CPLX2: variants seen among roughly 807,000 people sequenced by gnomAD.
The protein encoded by CPLX2 is complexin-2.
Under a neutral mutation model 16.3 loss-of-function variants are expected in CPLX2, and 5 were observed. The observed-to-expected ratio is 0.31, with a 90% confidence interval of 0.16 to 0.64. CPLX2 has a LOEUF of 0.64. CPLX2 is among the 30% of genes least tolerant of loss of function. CPLX2 has a pLI of 0.79. For synonymous variants in CPLX2, 89 were observed against 73.2 expected, an observed-to-expected ratio of 1.22 and a Z score of -1.10; for missense variants, 144 against 181.4, an observed-to-expected ratio of 0.79 and a Z score of 1.18.
chr5:175,865,096 A>ACG (rs1176837208), intron 2 of CPLX2, among the ~76,000 whole-genome samples: 2 of 151,754 alleles, frequency 1.3e-5, no homozygotes, highest in African/African-American at 4.9e-5. Context: ...GCGCGCACAC[A>ACG]CACACACACA....
At chr5:175,852,639 G>A (rs1004590550) in intron 2 of CPLX2, among the ~76,000 whole-genome samples, 1 of 152,212 alleles carries the variant, frequency 6.6e-6, no homozygotes, top group African/African-American at 2.4e-5. Flanking sequence ...GAGACAAAGT[G>A]TCTTCTTCCC....
intron 2 of CPLX2, among the ~76,000 whole-genome samples, chr5:175,846,740 C>T (rs995552187): frequency 2.6e-5 from 4 of 152,162 alleles, no homozygotes; most frequent in Admixed American, 2.0e-4. Flanking sequence ...AACTCAATGC[C>T]ACTCCCCCAT....
chr5:175,806,265 C>T (rs1758198912), intron 1 of CPLX2, among the ~76,000 whole-genome samples: 1 of 151,836 alleles, frequency 6.6e-6, no homozygotes, highest in South Asian at 2.1e-4. Context: ...AACCATGCAT[C>T]CCCCGTGTCT....
rs989702045 is a variant in CPLX2 at position 175,878,489 on chromosome 5, T to C, written c.-88-163T>C. Reference sequence around the variant, plus strand: ...AGCACCTACGTGTCTGCCCAGTAAATCGCTCTCTTCCATCTCCTTTCTCCT... The same window carrying C: ...AGCACCTACGTGTCTGCCCAGTAAACCGCTCTCTTCCATCTCCTTTCTCCT... On this transcript the variant is annotated intron_variant, in intron 1 of 3. Coordinates refer to ENST00000393745, the MANE Select transcript of CPLX2 (RefSeq NM_001008220.2). The C allele has an allele frequency of 4.0e-5, 23 of 581,084 alleles. No individual in the cohort carries two copies. The African/African-American group carries it at 4.1e-4, about 10-fold the overall frequency. The allele number at this position is 581,084 out of a possible 1,614,324, so 36.0% of individuals were successfully genotyped here.
At chr5:175,868,109 C>A (rs1446480943), upstream of CPLX2, among the ~76,000 whole-genome samples, 1 of 152,184 alleles carries the variant, frequency 6.6e-6, no homozygotes, top group East Asian at 1.9e-4. Context: ...CTCCCTGCAC[C>A]CACCAACGTA....
intron 1 of CPLX2, among the ~76,000 whole-genome samples, chr5:175,801,327 C>A (rs1758093630): frequency 6.6e-6 from 1 of 152,122 alleles, no homozygotes; most frequent in African/African-American, 2.4e-5. Flanking sequence ...CAAGCAAGAA[C>A]AACAGTAGCC....
rs1759650851 is a variant in CPLX2, at chr5:175,872,451, T to C, written c.-89+746T>C. On this transcript the variant is annotated intron_variant, in intron 1 of 3. Coordinates refer to ENST00000393745, the MANE Select transcript of CPLX2 (RefSeq NM_001008220.2). The surrounding 1 kb of genome is among the most constrained non-coding windows in gnomAD (Gnocchi z 5.0). ...CCGGGCCGGGTCTTGGGGTTGGAGCTATGTGTGTTGGGGGAAGGGGCGCTC... is the reference window on the plus strand; with the variant it reads ...CCGGGCCGGGTCTTGGGGTTGGAGCCATGTGTGTTGGGGGAAGGGGCGCTC... 6.6e-6 allele frequency among the ~76,000 whole-genome samples: 1 copy of C among 151,968 alleles called. No individual in the cohort carries two copies. The highest frequency in any genetic ancestry group is 1.5e-5 in the Non-Finnish European group (1 of 67,966).
intron 2 of CPLX2, chr5:175,837,559 G>A (rs1758860944): frequency 1.3e-5 from 2 of 152,262 alleles, no homozygotes; most frequent in Admixed American, 1.3e-4. Flanking sequence ...AGCTGGACCA[G>A]AAGGCTGGAA....
In CPLX2 at chr5:175,803,128, C is replaced by T. The variant is rs149361878; in HGVS notation, c.-168-5861C>T. Among the ~76,000 whole-genome samples, 647 of 152,264 alleles carry T rather than the reference C, an allele frequency of 4.2e-3. 1 individual carries two copies. Among genetic ancestry groups the T allele is most frequent in the Non-Finnish European group, 7.3e-3 (495 of 68,026 alleles). ...ACAGGCATGAGCCACCCAGAGTGCTCGGCCCAAATGTGCTTTCAATTGTGA... is the reference window on the plus strand; with the variant it reads ...ACAGGCATGAGCCACCCAGAGTGCTTGGCCCAAATGTGCTTTCAATTGTGA... On this transcript the variant is annotated intron_variant, in intron 1 of 4. Transcript: ENST00000359546.
At chr5:175,810,866 T>A (rs60489996) in intron 2 of CPLX2, among the ~76,000 whole-genome samples, 2,512 of 152,072 alleles carry the variant, frequency 0.017, 64 homozygotes, top group African/African-American at 0.056. Context: ...AATTTGGTCT[T>A]ACATAAAATA....
At chr5:175,818,219 C>T (rs1449001684) in intron 2 of CPLX2, among the ~76,000 whole-genome samples, 1 of 152,030 alleles carries the variant, frequency 6.6e-6, no homozygotes, top group East Asian at 1.9e-4. Context: ...AGGAGGCAAA[C>T]AGAAAGTCGG....
chr5:175,862,129 T>A (rs139669923), intron 2 of CPLX2, among the ~76,000 whole-genome samples: 2 of 152,278 alleles, frequency 1.3e-5, no homozygotes, highest in East Asian at 3.9e-4. Flanking sequence ...AGACAGAAAT[T>A]TGTGTATTTT....
chr5:175,856,257 T>C (rs1759255569), intron 2 of CPLX2, among the ~76,000 whole-genome samples: 2 of 152,364 alleles, frequency 1.3e-5, no homozygotes, highest in Non-Finnish European at 2.9e-5. Flanking sequence ...ATAAAGCTCA[T>C]GTAAACCCAT....
chr5:175,873,115 C>T (rs1759673678), intron 1 of CPLX2: 2 of 140,382 alleles, frequency 1.4e-5, no homozygotes, highest in South Asian at 2.5e-4. Flanking sequence ...TCCCACCCAC[C>T]CCCACCCTCA....
upstream of CPLX2, among the ~76,000 whole-genome samples, chr5:175,866,879 C>T (rs1272516943): frequency 6.6e-6 from 1 of 152,042 alleles, no homozygotes; most frequent in Non-Finnish European, 1.5e-5. Flanking sequence ...TCAAGACTAG[C>T]CTGGGCAACA....
chr5:175,801,285 G>A (rs549389715), intron 1 of CPLX2, among the ~76,000 whole-genome samples: 46 of 152,292 alleles, frequency 3.0e-4, no homozygotes, highest in Middle Eastern at 3.4e-3. Context: ...CCCACCTGGA[G>A]GAGGTCAGCA....
At position 175,880,296 on chromosome 5, in the gene CPLX2, G is replaced by GC. The variant is rs555065327; in HGVS notation, c.*255dup. On this transcript the variant is annotated 3_prime_UTR_variant, in exon 4 of 4. Transcript: ENST00000393745. ...TCTTTCCCCAGCAGGGGTCAGGGGG[G>GC]CCCCTCAGGAAGCCTAAGGTCGTGC... 373 of 561,998 alleles carry GC rather than the reference G, an allele frequency of 6.6e-4. 1 individual carries two copies. Among genetic ancestry groups the GC allele is most frequent in the South Asian group, 2.1e-3 (114 of 53,396 alleles). The allele number at this position is 561,998 out of a possible 1,614,324, so 34.8% of individuals were successfully genotyped here. A position where few individuals can be genotyped will look rare whatever the true frequency, so the allele number is the denominator to read the frequency against.
intron 2 of CPLX2, among the ~76,000 whole-genome samples, chr5:175,816,989 A>G (rs959654163): frequency 2.0e-5 from 3 of 152,250 alleles, no homozygotes; most frequent in Admixed American, 6.5e-5. Context: ...CGTGGTGTCC[A>G]TGGTGACCCA....
At chr5:175,804,203 C>T (rs890736) in intron 1 of CPLX2, among the ~76,000 whole-genome samples, 123,448 of 152,204 alleles carry the variant, frequency 0.81, 50,132 homozygotes, top group East Asian at 0.86. Flanking sequence ...ATAAGCAGGA[C>T]CTAATCTTGG....
Sources: gnomAD v4.1 joint callset for allele counts (sites outside exome capture counted in the v4.1 genomes callset) on GRCh38, gnomAD v4.1.1 for gene constraint, Gnocchi (gnomAD v3.1) non-coding constraint, MANE v1.5 for transcripts, NCBI Gene and HGNC (gene_info 2026-07-23, HGNC 2026-07-21) for gene names.